Variants in PTPRG observed in about 807,000 individuals in gnomAD.
PTPRG encodes protein tyrosine phosphatase receptor type G.
A neutral mutation model predicts 165.3 loss-of-function variants in PTPRG; 102 were observed. The ratio of observed to expected loss-of-function variants is 0.62; its 90% CI spans 0.53 to 0.73. The LOEUF is 0.73. PTPRG is among the 30% of genes least tolerant of loss of function. The pLI is 0.00. For synonymous variants in PTPRG, 675 were observed against 669.5 expected (o/e 1.01, Z -0.13); for missense variants, 1,866 against 1,861.4 (o/e 1.00, Z -0.05).
chr3:61,785,068 G>A (rs1342704829), intron 2 of PTPRG, among the ~76,000 whole-genome samples: 1 of 152,162 alleles, frequency 6.6e-6, no homozygotes, highest in Non-Finnish European at 1.5e-5. Flanking sequence ...GGAAAAAAGA[G>A]GCTAATTACA....
intron 5 of PTPRG, among the ~76,000 whole-genome samples, chr3:62,113,993 TAA>T (rs2106867715): frequency 6.6e-6 from 1 of 152,298 alleles, no homozygotes; most frequent in Admixed American, 6.5e-5. Flanking sequence ...CATTATTTTT[TAA>T]AAGTCTTAGA....
rs763478913 is a variant in PTPRG, at chr3:62,292,449, T to C, written c.4084T>C (p.Cys1362Arg). 6 of 1,613,562 alleles carry C rather than the reference T, an allele frequency of 3.7e-6. No individual in the cohort carries two copies. The highest frequency in any genetic ancestry group is 5.1e-6 in the Non-Finnish European group (6 of 1,179,700). ...TGGAGCAGTTTCAGCAGGAATGTTA[T>C]GTGCCCTTACCACCCTGTCCCAGCA... is the stretch of plus-strand genomic sequence containing the variant. Reference protein sequence around the residue: ...EYGAVSAGMLCALTTLSQQLE... With the variant: ...EYGAVSAGMLRALTTLSQQLE... Residue 1362 changes from cysteine (C) to arginine (R), a missense_variant, in exon 29 of 30, where the codon TGT becomes CGT. By Grantham distance (180) the Cys-to-Arg change is radical. Coordinates refer to ENST00000474889, the MANE Select transcript of PTPRG (RefSeq NM_002841.4).
intron 1 of PTPRG, among the ~76,000 whole-genome samples, chr3:61,745,497 G>A (rs182858357): frequency 6.6e-6 from 1 of 152,294 alleles, no homozygotes. Flanking sequence ...TTAGAAGCCA[G>A]TTTTCCTGCC....
chr3:61,624,244 C>T (rs1261558906), intron 1 of PTPRG, among the ~76,000 whole-genome samples: 1 of 152,092 alleles, frequency 6.6e-6, no homozygotes, highest in Non-Finnish European at 1.5e-5. Flanking sequence ...CTTCCCTGGG[C>T]CTCTCTAGAT....
At chr3:61,968,259 CT>C (rs112456456) in intron 2 of PTPRG, among the ~76,000 whole-genome samples, 2 of 151,752 alleles carry the variant, frequency 1.3e-5, no homozygotes, top group Non-Finnish European at 1.5e-5. Context: ...TCATATTCTG[CT>C]TTTTTTTGCT....
At chr3:62,218,436 G>A (rs1334624976) in intron 12 of PTPRG, among the ~76,000 whole-genome samples, 1 of 152,144 alleles carries the variant, frequency 6.6e-6, no homozygotes, top group African/African-American at 2.4e-5. Flanking sequence ...CAGCCCTCTT[G>A]CCCTTGCCCT....
intron 5 of PTPRG, among the ~76,000 whole-genome samples, chr3:62,080,514 G>A (rs1701535163): frequency 6.6e-6 from 1 of 152,130 alleles, no homozygotes; most frequent in African/African-American, 2.4e-5. Flanking sequence ...TTTTCATGCA[G>A]CTGGACCTCT....
chr3:62,127,869 T>C (rs1703368037), intron 5 of PTPRG, among the ~76,000 whole-genome samples: 1 of 152,202 alleles, frequency 6.6e-6, no homozygotes, highest in Non-Finnish European at 1.5e-5. Context: ...GGCCCTCCTG[T>C]AGAGCCTCCA....
intron 2 of PTPRG, among the ~76,000 whole-genome samples, chr3:61,964,249 G>A (rs1460872917): frequency 1.3e-5 from 2 of 152,232 alleles, no homozygotes. Flanking sequence ...CTTTCCCAAA[G>A]ATATTGGCAG....
chr3:61,921,777 A>G (rs1040426678), intron 2 of PTPRG, among the ~76,000 whole-genome samples: 4 of 152,188 alleles, frequency 2.6e-5, no homozygotes, highest in African/African-American at 7.2e-5. Flanking sequence ...GATTTTTTGG[A>G]AAAGGTTCCT....
chr3:61,861,262 T>G (rs2037262783), intron 2 of PTPRG, among the ~76,000 whole-genome samples: 1 of 152,184 alleles, frequency 6.6e-6, no homozygotes, highest in South Asian at 2.1e-4. Context: ...TTGCTATGAT[T>G]GTTGTTCTCC....
chr3:61,858,644 A>G lies in PTPRG; in HGVS notation c.190+109662A>G, dbSNP rs1231779454. 3.3e-5 allele frequency among the ~76,000 whole-genome samples: 5 copies of G among 152,190 alleles called. No individual in the cohort carries two copies. The East Asian group carries it at 9.6e-4, about 29-fold the overall frequency. On this transcript the variant is annotated intron_variant, in intron 2 of 29. Coordinates refer to ENST00000474889, the MANE Select transcript of PTPRG (RefSeq NM_002841.4). ...ACAAGTAAATGGATGTTTAGTCTCT[A>G]TTAGTACTTAAGAAACACTATTATA...
At chr3:62,197,643 G>A (rs137967617) in intron 10 of PTPRG, among the ~76,000 whole-genome samples, 5 of 152,184 alleles carry the variant, frequency 3.3e-5, no homozygotes, top group African/African-American at 9.6e-5. Flanking sequence ...TTGGAACTTC[G>A]GACACATAAA....
At chr3:62,239,098 T>C (rs1372746026) in intron 14 of PTPRG, among the ~76,000 whole-genome samples, 2 of 152,196 alleles carry the variant, frequency 1.3e-5, no homozygotes, top group Non-Finnish European at 2.9e-5. Flanking sequence ...TTTGTAAACA[T>C]ACTTTTTCAT....
chr3:61,831,320 G>A (rs939562522), intron 2 of PTPRG, among the ~76,000 whole-genome samples: 4 of 152,184 alleles, frequency 2.6e-5, no homozygotes, highest in South Asian at 2.1e-4. Flanking sequence ...TGAAGAGAAG[G>A]AATAAGCAGT....
rs1559659350 is a variant in PTPRG at position 62,213,395 on chromosome 3, T to C, written c.2156-5456T>C. Among the ~76,000 whole-genome samples, 1 of 152,170 alleles carries C rather than the reference T, an allele frequency of 6.6e-6. No homozygotes were observed. ...CTACTGTCACCTTCTCAAAACTCTT[T>C]TATAACTTTCGAATGGGCCCCATGA... is the stretch of plus-strand genomic sequence containing the variant. On this transcript the variant is annotated intron_variant, in intron 12 of 29. Coordinates refer to ENST00000474889, the MANE Select transcript of PTPRG (RefSeq NM_002841.4). This position sits in a 1 kb window ranked among gnomAD's most constrained non-coding sequence, Gnocchi z 4.4.
intron 2 of PTPRG, among the ~76,000 whole-genome samples, chr3:61,922,934 C>A (rs963784377): frequency 6.6e-6 from 1 of 152,196 alleles, no homozygotes; most frequent in Non-Finnish European, 1.5e-5. Flanking sequence ...AGCCACCATA[C>A]CCCACCCAAA....
chr3:62,129,410 G>A (rs570946193), intron 5 of PTPRG, among the ~76,000 whole-genome samples: 1 of 152,196 alleles, frequency 6.6e-6, no homozygotes, highest in South Asian at 2.1e-4. Context: ...TGCCACACTG[G>A]GTAATTTATA....
At chr3:62,223,840 A>G (rs1390226595) in intron 13 of PTPRG, among the ~76,000 whole-genome samples, 2 of 152,188 alleles carry the variant, frequency 1.3e-5, no homozygotes, top group East Asian at 3.8e-4. Context: ...ATGTCATCAC[A>G]TTGTATAGCT....
Sources: allele counts gnomAD v4.1 joint callset (sites outside exome capture counted in the v4.1 genomes callset), GRCh38; gene constraint gnomAD v4.1.1; non-coding constraint Gnocchi (gnomAD v3.1); transcripts MANE v1.5; gene names NCBI Gene and HGNC (gene_info 2026-07-23, HGNC 2026-07-21).